Variants in ATF6 observed in about 807,000 individuals in gnomAD.
ATF6 encodes the protein cyclic AMP-dependent transcription factor ATF-6 alpha.
ATF6 carries 53 observed loss-of-function variants against 83.6 expected under a neutral mutation model. That is an observed-to-expected ratio of 0.63 (90% confidence interval 0.51 to 0.80). The LOEUF is 0.80. ATF6 is among the 30% of genes least tolerant of loss of function. The probability of loss-of-function intolerance (pLI) is 0.00; values close to 1 mark genes in which losing one functional copy is unlikely to be tolerated. For missense variants in ATF6, 744 were observed against 797.9 expected (o/e 0.93, Z 0.81); for synonymous variants, 288 against 285.8 (o/e 1.01, Z -0.08).
At chr1:161,933,856 G>A (rs1019783348) in intron 15 of ATF6, among the ~76,000 whole-genome samples, 1 of 152,102 alleles carries the variant, frequency 6.6e-6, no homozygotes, top group Non-Finnish European at 1.5e-5. Context: ...GCATGCCTCA[G>A]GGCTTTTCCA....
At chr1:161,831,467 A>G (rs1479534872) in intron 9 of ATF6, among the ~76,000 whole-genome samples, 6 of 152,220 alleles carry the variant, frequency 3.9e-5, no homozygotes, top group Non-Finnish European at 8.8e-5. Flanking sequence ...AGGATTATAA[A>G]TCATGCTGCT....
Position 161,853,319 on chromosome 1 carries a change from T to C in ATF6, c.1529T>C (p.Leu510Pro), listed in dbSNP as rs1180199888. 3.1e-6 allele frequency: 5 copies of C among 1,609,758 alleles called. No homozygotes were observed. The Admixed American group carries it at 6.7e-5, about 21-fold the overall frequency. Residue 510 changes from leucine to proline, a missense_variant, in exon 12 of 16, where the codon CTT (leucine) becomes CCT (proline). Physicochemically the swap from Leu to Pro is moderately conservative, Grantham distance 98. Coordinates refer to ENST00000367942, the MANE Select transcript of ATF6 (RefSeq NM_007348.4). ...AATAATCAACAGAAAACCCGTATTC[T>C]TCAGGTATGTTTCTGTTTGTCTTTG... ...MTNNQQKTRI[L>P]QGALEQGSNS...
intron 9 of ATF6, among the ~76,000 whole-genome samples, chr1:161,834,283 C>A (rs1399055460): frequency 2.6e-5 from 4 of 151,992 alleles, no homozygotes; most frequent in Non-Finnish European, 4.4e-5. Context: ...GATTTATAAT[C>A]CCAAAGGATT....
At chr1:161,871,785 T>C (rs1020819484) in intron 14 of ATF6, among the ~76,000 whole-genome samples, 1 of 151,618 alleles carries the variant, frequency 6.6e-6, no homozygotes. Flanking sequence ...TGTTAAGTGA[T>C]AAAGTTAATG....
rs937417971 is a variant in ATF6, at chr1:161,840,836, C to CT, written c.1188-5612dup. Among the ~76,000 whole-genome samples, 80 of 152,270 alleles carry CT rather than the reference C, an allele frequency of 5.3e-4. 2 individuals are homozygous for CT. Among genetic ancestry groups the CT allele is most frequent in the African/African-American group, 1.9e-3 (79 of 41,552 alleles). Reference sequence around the variant, plus strand: ...CCTAAAACTACTGTGACTCTTTGGACTAGCATGTTTCTGATCATAGAGACA... The same window carrying CT: ...CCTAAAACTACTGTGACTCTTTGGACTTAGCATGTTTCTGATCATAGAGACA... On this transcript the variant is annotated intron_variant, in intron 9 of 15. Coordinates refer to ENST00000367942, the MANE Select transcript of ATF6 (RefSeq NM_007348.4).
chr1:161,846,482 T>C lies in ATF6; in HGVS notation c.1221T>C (p.Pro407=), dbSNP rs147170108. Residue 407 remains proline (P), a synonymous_variant, in exon 10 of 16, where the codon CCT becomes CCC. Transcript: ENST00000367942. The part of the protein sequence containing the change: ...MLEQDSRRMN[P]SVSPANQRRH... The stretch of plus-strand genomic sequence containing the variant: ...AACAGGATTCCAGGAGAATGAACCC[T>C]AGTGTGAGCCCTGCAAATCAAAGGA... 3.1e-6 allele frequency: 5 copies of C among 1,610,632 alleles called. No homozygotes were observed. The highest frequency in any genetic ancestry group is 4.2e-6 in the Non-Finnish European group (5 of 1,178,008).
intron 14 of ATF6, among the ~76,000 whole-genome samples, chr1:161,910,131 G>A (rs957707066): frequency 6.6e-6 from 1 of 152,154 alleles, no homozygotes; most frequent in Non-Finnish European, 1.5e-5. Context: ...TTTATTTTGA[G>A]GAAGTGGAGG....
At chr1:161,811,903 T>G (rs1685475228) in intron 7 of ATF6, among the ~76,000 whole-genome samples, 2 of 152,240 alleles carry the variant, frequency 1.3e-5, no homozygotes, top group Admixed American at 1.3e-4. Context: ...ATTCTTTTAT[T>G]AACTTCAATA....
rs1440628126 is a variant in ATF6 at position 161,961,077 on chromosome 1, T to A, written c.*2423T>A. 6.6e-6 allele frequency: 1 copy of A among 152,250 alleles called. No individual in the cohort carries two copies. Among genetic ancestry groups the A allele is most frequent in the Non-Finnish European group, 1.5e-5 (1 of 68,052 alleles). The allele number at this position is 152,250 out of a possible 1,614,324, so 9.4% of individuals were successfully genotyped here. On this transcript the variant is annotated 3_prime_UTR_variant, in exon 16 of 16. Coordinates refer to ENST00000367942, the MANE Select transcript of ATF6 (RefSeq NM_007348.4). ...CTTCTTGTTCTTAGCGCTTCACTTTTACTTCATCCCTCGATTCCCAGCTTT... is the reference window on the plus strand; with the variant it reads ...CTTCTTGTTCTTAGCGCTTCACTTTAACTTCATCCCTCGATTCCCAGCTTT...
At chr1:161,879,658 G>A (rs1687285265) in intron 14 of ATF6, among the ~76,000 whole-genome samples, 2 of 152,038 alleles carry the variant, frequency 1.3e-5, no homozygotes, top group South Asian at 2.1e-4. Flanking sequence ...AATAGCTGCT[G>A]GGGATGAAAA....
rs10524670 is a variant in ATF6, at chr1:161,947,810, C to CTTTTTTTTTTTTTTTTTTT, written c.1805-10623_1805-10605dup. 3.5e-5 allele frequency among the ~76,000 whole-genome samples: 2 copies of CTTTTTTTTTTTTTTTTTTT among 57,580 alleles called. 1 individual carries two copies. The highest frequency in any genetic ancestry group is 1.7e-4 in the African/African-American group (2 of 11,720). 37.8% of individuals were successfully genotyped at this position (57,580 alleles called of 152,430 possible). A position where few individuals can be genotyped will look rare whatever the true frequency, so the allele number is the denominator to read the frequency against. On this transcript the variant is annotated intron_variant, in intron 15 of 15. Coordinates refer to ENST00000367942, the MANE Select transcript of ATF6 (RefSeq NM_007348.4). ...ATATTCCATAGTCCTTAAGCCACGC[C>CTTTTTTTTTTTTTTTTTTT]TTTTTTTTTTTTTTTTTTTTTTTTT...
At chr1:161,775,796 G>A (rs933474538) in intron 1 of ATF6, among the ~76,000 whole-genome samples, 2 of 152,056 alleles carry the variant, frequency 1.3e-5, no homozygotes, top group Non-Finnish European at 2.9e-5. Flanking sequence ...ATGGTATTTA[G>A]TATCCAAGAT....
chr1:161,864,618 T>C (rs1402224329), intron 14 of ATF6, among the ~76,000 whole-genome samples: 1 of 152,248 alleles, frequency 6.6e-6, no homozygotes, highest in Non-Finnish European at 1.5e-5. Context: ...TTTTCAGTTA[T>C]TAATCAAACA....
At chr1:161,871,150 G>C (rs1490094417) in intron 14 of ATF6, among the ~76,000 whole-genome samples, 1 of 151,618 alleles carries the variant, frequency 6.6e-6, no homozygotes, top group East Asian at 1.9e-4. Flanking sequence ...CTCTTCAAAA[G>C]ATTACTAGAG....
In ATF6 at chr1:161,962,990, T is replaced by C. The variant is rs1689131418; in HGVS notation, c.*4336T>C. ...ATAAAGCCTAAAAGAGAATGAAATA[T>C]AAGAAATGTTCGTTCCCACCCCTAA... On this transcript the variant is annotated 3_prime_UTR_variant, in exon 16 of 16. Coordinates refer to ENST00000367942, the MANE Select transcript of ATF6 (RefSeq NM_007348.4). 1 of 152,226 alleles carries C rather than the reference T, an allele frequency of 6.6e-6. No homozygotes were observed. Among genetic ancestry groups the C allele is most frequent in the South Asian group, 2.1e-4 (1 of 4,826 alleles). 9.4% of individuals were successfully genotyped at this position (152,226 alleles called of 1,614,324 possible). A position where few individuals can be genotyped will look rare whatever the true frequency, so the allele number is the denominator to read the frequency against.
intron 11 of ATF6, among the ~76,000 whole-genome samples, chr1:161,852,219 A>G (rs528923297): frequency 3.1e-4 from 47 of 152,088 alleles, no homozygotes; most frequent in African/African-American, 9.9e-4. Context: ...TTCTTTATCA[A>G]TTTTTCCCTT....
intron 9 of ATF6, among the ~76,000 whole-genome samples, chr1:161,833,667 C>T (rs961574341): frequency 1.5e-4 from 22 of 151,666 alleles, no homozygotes; most frequent in African/African-American, 2.7e-4. Context: ...CGATGGAAGA[C>T]GAAGTGAATG....
chr1:161,956,502 T>G (rs1167360405), intron 15 of ATF6, among the ~76,000 whole-genome samples: 1 of 152,208 alleles, frequency 6.6e-6, no homozygotes, highest in African/African-American at 2.4e-5. Flanking sequence ...GGCTAACTTA[T>G]AGACTTTCAG....
chr1:161,839,144 G>T (rs1420846672), intron 9 of ATF6, among the ~76,000 whole-genome samples: 1 of 151,958 alleles, frequency 6.6e-6, no homozygotes, highest in African/African-American at 2.4e-5. Context: ...GAGGCAGATG[G>T]TGCATGAAGT....
Sources: allele counts gnomAD v4.1 joint callset (sites outside exome capture counted in the v4.1 genomes callset), GRCh38; gene constraint gnomAD v4.1.1; transcripts MANE v1.5; gene names NCBI Gene and HGNC (gene_info 2026-07-23, HGNC 2026-07-21).